The following TLN2 variants were observed in gnomAD, a reference collection of about 807,000 sequenced individuals.
The protein encoded by TLN2 is talin-2.
In TLN2, 118 loss-of-function variants were observed where a neutral mutation model predicts 294.7. The observed-to-expected ratio is 0.40, with a 90% CI of 0.34 to 0.47. The LOEUF (loss-of-function observed/expected upper bound fraction) is 0.47. Among genes scored for constraint, TLN2 ranks in the 20% least tolerant of loss-of-function variants. TLN2 has a pLI of 0.84. For missense variants in TLN2, 3,083 were observed against 3,282.2 expected (o/e 0.94, Z 1.48); for synonymous variants, 1,431 against 1,304.5 (o/e 1.10, Z -2.09).
intron 32 of TLN2, among the ~76,000 whole-genome samples, chr15:62,741,748 C>CGCGCGCGCGCGCGCGTGTGTGTGTGT: frequency 2.3e-5 from 3 of 131,164 alleles, no homozygotes; most frequent in Admixed American, 7.7e-5. Flanking sequence ...AAAATTTGCG[C>CGCGCGCGCGCGCGCGTGTGTGTGTGT]GTGTGTGTGT....
intron 1 of TLN2, among the ~76,000 whole-genome samples, chr15:62,466,546 C>T (rs1366564649): frequency 1.3e-5 from 2 of 152,224 alleles, no homozygotes; most frequent in East Asian, 1.9e-4. Flanking sequence ...GAAATTGCTC[C>T]TTGTTGAGAA....
intron 1 of TLN2, among the ~76,000 whole-genome samples, chr15:62,545,610 A>C (rs1280887799): frequency 2.8e-4 from 43 of 151,614 alleles, no homozygotes; most frequent in Non-Finnish European, 4.4e-5. Flanking sequence ...CAGAGCTGCA[A>C]ATCTCCTGCA....
chr15:62,595,676 G>T (rs544052574), intron 2 of TLN2, among the ~76,000 whole-genome samples: 1 of 152,286 alleles, frequency 6.6e-6, no homozygotes, highest in South Asian at 2.1e-4. Flanking sequence ...TCCATCATTG[G>T]ATGAATAGAT....
intron 51 of TLN2, 85 bp downstream of exon 51, chr15:62,805,870 G>A: frequency 6.9e-7 from 1 of 1,441,648 alleles, no homozygotes; most frequent in East Asian, 2.3e-5. Flanking sequence ...AAGGGGAGGG[G>A]CTCAGAACCT....
intron 14 of TLN2, among the ~76,000 whole-genome samples, chr15:62,697,057 A>G (rs953150248): frequency 1.3e-5 from 2 of 152,270 alleles, no homozygotes; most frequent in East Asian, 3.8e-4. Flanking sequence ...CAACATATCA[A>G]TACATTCACT....
intron 1 of TLN2, among the ~76,000 whole-genome samples, chr15:62,502,250 G>A (rs973981563): frequency 1.4e-4 from 21 of 152,328 alleles, no homozygotes; most frequent in African/African-American, 5.1e-4. Context: ...CTAGGGAAAG[G>A]CACAGTAGCT....
In TLN2 at chr15:62,452,691, G is replaced by A. The variant is rs538565483; in HGVS notation, c.-238+62006G>A. ...GTACCTCAATCAGTGGAATCATACC[G>A]CATTTGTTTTCTAAGTTCACATTTT... On this transcript the variant is annotated intron_variant, in intron 1 of 58. Coordinates refer to ENST00000636159, the MANE Select transcript of TLN2 (RefSeq NM_015059.3). Among the ~76,000 whole-genome samples the A allele has an allele frequency of 6.6e-5, 10 of 152,246 alleles. 1 individual carries two copies. In the South Asian group the frequency reaches 2.1e-3, roughly 32 times the overall value.
intron 5 of TLN2, 93 bp from the exon 6 acceptor site, chr15:62,651,912 T>G (rs111818771): frequency 5.0e-6 from 7 of 1,396,248 alleles, no homozygotes; most frequent in Non-Finnish European, 6.6e-6. Flanking sequence ...TCTACTCTGA[T>G]TTTTTTAAAA....
rs967002739 is a variant in TLN2 at position 62,618,154 on chromosome 15, C to T, written c.-161-197C>T. Among the ~76,000 whole-genome samples the T allele has an allele frequency of 3.3e-5, 5 of 150,280 alleles. No homozygotes were observed. In the South Asian group the frequency reaches 6.4e-4, roughly 19 times the overall value. On this transcript the variant is annotated intron_variant, in intron 2 of 58. Coordinates refer to ENST00000636159, the MANE Select transcript of TLN2 (RefSeq NM_015059.3). Reference sequence around the variant, plus strand: ...TTTCTTCAATAACAGCCAGGTGGATCATAGTGGCCCAAGACCCTAGGAAAT... The same window carrying T: ...TTTCTTCAATAACAGCCAGGTGGATTATAGTGGCCCAAGACCCTAGGAAAT...
chr15:62,558,976 G>A (rs1478956737), intron 1 of TLN2, among the ~76,000 whole-genome samples: 1 of 152,172 alleles, frequency 6.6e-6, no homozygotes, highest in East Asian at 1.9e-4. Context: ...TCCTGCATTT[G>A]CTTCTTCTTA....
chr15:62,586,314 GGA>G lies in TLN2; in HGVS notation c.-237-3369_-237-3368del, dbSNP rs772725778. ...CTCATGATTGCTCATCTCTGAAATTGGAGAGTGGTTCTTGTCCTTTGTCTAAC... is the reference window on the plus strand; with the variant it reads ...CTCATGATTGCTCATCTCTGAAATTGGAGTGGTTCTTGTCCTTTGTCTAAC... On this transcript the variant is annotated intron_variant, in intron 1 of 58. Transcript: ENST00000636159. 3.3e-4 allele frequency among the ~76,000 whole-genome samples: 50 copies of G among 152,294 alleles called. No homozygotes were observed. In the Middle Eastern group the frequency reaches 0.01, roughly 31 times the overall value.
intron 41 of TLN2, among the ~76,000 whole-genome samples, chr15:62,767,148 ATCT>A (rs1166020129): frequency 6.6e-6 from 1 of 152,172 alleles, no homozygotes; most frequent in African/African-American, 2.4e-5. Flanking sequence ...AGTAGCCAAA[ATCT>A]TCTTGGCAGG....
chr15:62,520,333 T>A (rs1269375213), intron 1 of TLN2, among the ~76,000 whole-genome samples: 4 of 152,220 alleles, frequency 2.6e-5, no homozygotes, highest in African/African-American at 7.2e-5. Context: ...TTATTAATTG[T>A]CACTTCTGAT....
intron 41 of TLN2, among the ~76,000 whole-genome samples, chr15:62,767,539 G>A (rs990922286): frequency 4.6e-5 from 7 of 152,034 alleles, no homozygotes; most frequent in Middle Eastern, 3.2e-3. Flanking sequence ...GGGTTTCTCC[G>A]TGTTGGTCAG....
At chr15:62,701,491 A>G (rs1485551894) in intron 17 of TLN2, among the ~76,000 whole-genome samples, 1 of 152,140 alleles carries the variant, frequency 6.6e-6, no homozygotes, top group Admixed American at 6.5e-5. Flanking sequence ...GACATACTGC[A>G]AAGTCTACTG....
At chr15:62,537,759 A>T (rs2041445256) in intron 1 of TLN2, among the ~76,000 whole-genome samples, 1 of 152,168 alleles carries the variant, frequency 6.6e-6, no homozygotes, top group African/African-American at 2.4e-5. Context: ...AGCAACTTCA[A>T]ACCTGATTGA....
chr15:62,699,286 G>C (rs145937702), intron 16 of TLN2, among the ~76,000 whole-genome samples: 12 of 152,282 alleles, frequency 7.9e-5, no homozygotes, highest in East Asian at 7.7e-4. Flanking sequence ...AGCATTAGCT[G>C]TTTGTTAGTT....
At chr15:62,768,114 C>A (rs1434935509) in intron 41 of TLN2, among the ~76,000 whole-genome samples, 1 of 152,148 alleles carries the variant, frequency 6.6e-6, no homozygotes, top group Non-Finnish European at 1.5e-5. Context: ...CATTGCAGTG[C>A]TCGTGTGGGG....
chr15:62,405,318 T>G (rs1196771516), intron 1 of TLN2, among the ~76,000 whole-genome samples: 1 of 152,042 alleles, frequency 6.6e-6, no homozygotes, highest in African/African-American at 2.4e-5. Flanking sequence ...CTATAGAGGG[T>G]GAAGGCAGCC....
Sources: gnomAD v4.1 joint callset for allele counts (sites outside exome capture counted in the v4.1 genomes callset) on GRCh38, gnomAD v4.1.1 for gene constraint, MANE v1.5 for transcripts, NCBI Gene and HGNC (gene_info 2026-07-23, HGNC 2026-07-21) for gene names.